The following ENOX1 variants were observed in gnomAD, a reference collection of about 807,000 sequenced individuals.
ENOX1 encodes candidate growth-related and time keeping constitutive hydroquinone (NADH) oxidase.
ENOX1 carries 42 observed loss-of-function variants against 82.5 expected under a neutral mutation model. The ratio of observed to expected loss-of-function variants is 0.51; its 90% CI spans 0.40 to 0.66. The LOEUF is 0.66. ENOX1 is among the 30% of genes least tolerant of loss of function. The pLI is 0.00. For synonymous variants in ENOX1, 271 were observed against 282.2 expected (o/e 0.96, Z 0.40); for missense variants, 608 against 811.6 (o/e 0.75, Z 3.05).
At chr13:43,755,390 G>A (rs1381069197) in intron 1 of ENOX1, among the ~76,000 whole-genome samples, 5 of 152,154 alleles carry the variant, frequency 3.3e-5, no homozygotes, top group African/African-American at 4.8e-5. Flanking sequence ...TCTCCAGGTT[G>A]TGTCACAGTC....
intron 2 of ENOX1, among the ~76,000 whole-genome samples, chr13:43,502,610 C>T (rs747742681): frequency 1.3e-5 from 2 of 151,534 alleles, no homozygotes; most frequent in Non-Finnish European, 3.0e-5. Context: ...ATAAAAATCA[C>T]ATGATAATAT....
intron 2 of ENOX1, among the ~76,000 whole-genome samples, chr13:43,568,623 C>A (rs1329927492): frequency 1.3e-5 from 2 of 151,454 alleles, no homozygotes; most frequent in African/African-American, 4.9e-5. Context: ...TGAGGCATCC[C>A]TAGCACAGTT....
At position 43,344,518 on chromosome 13, in the gene ENOX1, G is replaced by A. The variant is rs367883266; in HGVS notation, c.1036+20C>T. 21 of 1,584,294 alleles carry A rather than the reference G, an allele frequency of 1.3e-5. No individual in the cohort carries two copies. In the African/African-American group the frequency reaches 1.8e-4, roughly 13 times the overall value. On this transcript the variant is annotated intron_variant, in intron 9 of 16. Coordinates refer to ENST00000690772, the MANE Select transcript of ENOX1 (RefSeq NM_001347969.2). ...AGGCAAAATCACAACAAAAGAGATGGCCCCCAAAATTTTACTTACATTGAG... is the reference window on the plus strand; with the variant it reads ...AGGCAAAATCACAACAAAAGAGATGACCCCCAAAATTTTACTTACATTGAG...
At chr13:43,777,529 C>A (rs148140087) in intron 1 of ENOX1, among the ~76,000 whole-genome samples, 2 of 150,100 alleles carry the variant, frequency 1.3e-5, no homozygotes, top group East Asian at 3.9e-4. Flanking sequence ...ATCACAGGAT[C>A]TCTCTGTATT....
intron 2 of ENOX1, among the ~76,000 whole-genome samples, chr13:43,512,777 T>C (rs1349079685): frequency 1.3e-5 from 2 of 152,148 alleles, no homozygotes; most frequent in East Asian, 1.9e-4. Context: ...TTGAGAACTT[T>C]AGAAGTACAG....
intron 1 of ENOX1, among the ~76,000 whole-genome samples, chr13:43,695,658 G>C (rs1432021812): frequency 6.6e-6 from 1 of 152,016 alleles, no homozygotes; most frequent in East Asian, 1.9e-4. Flanking sequence ...ATGTTGGCCA[G>C]GCTAGTCTCG....
intron 3 of ENOX1, among the ~76,000 whole-genome samples, chr13:43,434,530 G>A (rs542612216): frequency 6.6e-6 from 1 of 152,214 alleles, no homozygotes; most frequent in East Asian, 1.9e-4. Flanking sequence ...ACAACCACTT[G>A]CTCCTCTGAA....
In ENOX1 at chr13:43,443,763, G is replaced by A. The variant is rs78575605; in HGVS notation, c.-74-30775C>T. On this transcript the variant is annotated intron_variant, in intron 3 of 16. Transcript: ENST00000690772. ...AAGCTCACCCGAGGAGGTGACATTT[G>A]AGCTGGTTGTAAAGGAAGAATAGGA... is the stretch of plus-strand genomic sequence containing the variant. Among the ~76,000 whole-genome samples the A allele has an allele frequency of 7.5e-3, 1,144 of 152,270 alleles. 11 individuals are homozygous for A. The highest frequency in any genetic ancestry group is 0.025 in the African/African-American group (1,041 of 41,546).
chr13:43,350,342 A>G (rs2049692320), intron 8 of ENOX1, among the ~76,000 whole-genome samples: 1 of 152,242 alleles, frequency 6.6e-6, no homozygotes, highest in South Asian at 2.1e-4. Context: ...CTACAGTCAT[A>G]TCTGAAAGTC....
chr13:43,507,533 T>A (rs886498296), intron 2 of ENOX1, among the ~76,000 whole-genome samples: 6 of 152,062 alleles, frequency 3.9e-5, no homozygotes, highest in African/African-American at 1.4e-4. Context: ...TTTTAACTTA[T>A]ATGTCTTAAT....
At chr13:43,513,095 G>A (rs1352977223) in intron 2 of ENOX1, among the ~76,000 whole-genome samples, 1 of 152,056 alleles carries the variant, frequency 6.6e-6, no homozygotes. Flanking sequence ...GATCACATAA[G>A]GCCAGGAGTT....
At chr13:43,328,481 G>A (rs562778076) in intron 9 of ENOX1, among the ~76,000 whole-genome samples, 1 of 152,308 alleles carries the variant, frequency 6.6e-6, no homozygotes, top group South Asian at 2.1e-4. Context: ...GACAATATGG[G>A]TTGAGACTGA....
intron 1 of ENOX1, among the ~76,000 whole-genome samples, chr13:43,706,469 A>G (rs299328): frequency 0.77 from 117,549 of 151,834 alleles, 48,354 homozygotes; most frequent in South Asian, 0.93. Context: ...TCACAAACCA[A>G]TATCACTCAG....
At chr13:43,215,848 C>G (rs1281328493) in intron 16 of ENOX1, among the ~76,000 whole-genome samples, 2 of 152,214 alleles carry the variant, frequency 1.3e-5, no homozygotes, top group Non-Finnish European at 2.9e-5. Flanking sequence ...CCCACATAAT[C>G]TATTTTTAAC....
At chr13:43,462,967 G>A (rs949865895) in intron 3 of ENOX1, among the ~76,000 whole-genome samples, 6 of 152,106 alleles carry the variant, frequency 3.9e-5, no homozygotes, top group Non-Finnish European at 7.4e-5. Context: ...GTTAAAAATC[G>A]GTGCCTCTCA....
At chr13:43,685,235 A>G (rs2086005671) in intron 1 of ENOX1, among the ~76,000 whole-genome samples, 1 of 152,144 alleles carries the variant, frequency 6.6e-6, no homozygotes, top group African/African-American at 2.4e-5. Context: ...TTTTCTGCAC[A>G]AAGTCTCACT....
chr13:43,436,443 A>C (rs1295181333), intron 3 of ENOX1, among the ~76,000 whole-genome samples: 1 of 152,198 alleles, frequency 6.6e-6, no homozygotes, highest in East Asian at 1.9e-4. Context: ...GAATTCATTA[A>C]CCAAGAGACC....
At chr13:43,623,764 T>C (rs1473864070) in intron 2 of ENOX1, among the ~76,000 whole-genome samples, 5 of 152,178 alleles carry the variant, frequency 3.3e-5, no homozygotes, top group Non-Finnish European at 4.4e-5. Flanking sequence ...ATCCCGCTCC[T>C]CCTTTTCATT....
At chr13:43,510,940 AG>A (rs1314281981) in intron 2 of ENOX1, among the ~76,000 whole-genome samples, 2 of 152,144 alleles carry the variant, frequency 1.3e-5, no homozygotes, top group Non-Finnish European at 2.9e-5. Flanking sequence ...ATAGGGATGC[AG>A]AAAAAATATA....
Sources: gnomAD v4.1 joint callset for allele counts (sites outside exome capture counted in the v4.1 genomes callset) on GRCh38, gnomAD v4.1.1 for gene constraint, MANE v1.5 for transcripts, NCBI Gene and HGNC (gene_info 2026-07-23, HGNC 2026-07-21) for gene names.